The following FOCAD variants were observed in gnomAD, a reference collection of about 807,000 sequenced individuals.
The protein encoded by FOCAD is KIAA1797.
A neutral mutation model predicts 225.6 loss-of-function variants in FOCAD; 198 were observed. That is an observed-to-expected ratio of 0.88 (90% CI 0.78 to 0.99). FOCAD has a LOEUF of 0.99. FOCAD is among the 50% of genes least tolerant of loss of function. The pLI is 0.00. For synonymous variants in FOCAD, 897 were observed against 755.0 expected (o/e 1.19, Z -3.08); for missense variants, 2,713 against 2,123.6 (o/e 1.28, Z -5.46).
intron 35 of FOCAD, among the ~76,000 whole-genome samples, chr9:20,968,431 C>CT (rs35624897): frequency 0.16 from 6,718 of 43,224 alleles, 1,094 homozygotes; most frequent in South Asian, 0.26. Flanking sequence ...TTTTCTTATT[C>CT]TTTTTTTTTT....
chr9:20,879,293 CA>C (rs1227558847), intron 19 of FOCAD, among the ~76,000 whole-genome samples: 1 of 152,140 alleles, frequency 6.6e-6, no homozygotes, highest in Admixed American at 6.5e-5. Context: ...ATTCCCTCCC[CA>C]GGATTAGGCT....
intron 19 of FOCAD, chr9:20,875,085 A>T: frequency 2.9e-6 from 1 of 350,076 alleles, no homozygotes; most frequent in South Asian, 3.6e-5. Context: ...GGCTAAATGT[A>T]TTCCACAAGA....
intron 4 of FOCAD, among the ~76,000 whole-genome samples, chr9:20,733,850 A>G (rs1183183042): frequency 2.0e-5 from 3 of 152,014 alleles, no homozygotes; most frequent in Non-Finnish European, 4.4e-5. Context: ...AAAAATAAAA[A>G]ATTAGCCAGG....
chr9:20,846,218 A>G (rs952117573), intron 15 of FOCAD, among the ~76,000 whole-genome samples: 1 of 152,100 alleles, frequency 6.6e-6, no homozygotes, highest in Admixed American at 6.6e-5. Flanking sequence ...AAACTAAGAA[A>G]TCACTGTGGA....
At chr9:20,924,166 C>T (rs1426560416) in intron 25 of FOCAD, among the ~76,000 whole-genome samples, 1 of 150,842 alleles carries the variant, frequency 6.6e-6, no homozygotes, top group Non-Finnish European at 1.5e-5. Flanking sequence ...TGACAAAGTG[C>T]CTATTCATTT....
intron 21 of FOCAD, among the ~76,000 whole-genome samples, chr9:20,897,755 A>G (rs1051177578): frequency 5.3e-5 from 8 of 151,772 alleles, no homozygotes; most frequent in Non-Finnish European, 7.4e-5. Context: ...TATTATTTTT[A>G]ACAAGCTGTT....
Position 20,749,901 on chromosome 9 carries a change from G to A in FOCAD, c.393-8189G>A, listed in dbSNP as rs558672542. Among the ~76,000 whole-genome samples the A allele has an allele frequency of 3.9e-5, 6 of 152,148 alleles. No individual in the cohort carries two copies. In the East Asian group the frequency reaches 5.8e-4, roughly 15 times the overall value. On this transcript the variant is annotated intron_variant, in intron 5 of 43. Coordinates refer to ENST00000338382, the MANE Select transcript of FOCAD (RefSeq NM_001375567.1). Reference sequence around the variant, plus strand: ...GGATTGATGTGTTTATACTTGGAAAGGTGAATCCAGTTACAGATTTTATCA... The same window carrying A: ...GGATTGATGTGTTTATACTTGGAAAAGTGAATCCAGTTACAGATTTTATCA...
intron 5 of FOCAD, among the ~76,000 whole-genome samples, chr9:20,753,315 T>G (rs1587021286): frequency 6.6e-6 from 1 of 152,034 alleles, no homozygotes. Context: ...ATAGCTCTTA[T>G]TATTTTGAAA....
intron 11 of FOCAD, among the ~76,000 whole-genome samples, chr9:20,811,832 T>C (rs1434628503): frequency 3.9e-5 from 6 of 152,100 alleles, no homozygotes; most frequent in Non-Finnish European, 8.8e-5. Flanking sequence ...ATGTCATTTT[T>C]TGTAGAATGA....
chr9:20,900,098 A>G (rs1389181243), intron 21 of FOCAD, among the ~76,000 whole-genome samples: 1 of 152,088 alleles, frequency 6.6e-6, no homozygotes, highest in East Asian at 1.9e-4. Flanking sequence ...CTGAAGGTGA[A>G]TGATAGTTTC....
chr9:20,972,267 G>A (rs1564224188), intron 35 of FOCAD, among the ~76,000 whole-genome samples: 3 of 152,032 alleles, frequency 2.0e-5, no homozygotes, highest in African/African-American at 4.8e-5. Context: ...TCCATTATTT[G>A]CATATCCTGG....
At chr9:20,948,822 CT>C in intron 31 of FOCAD, 28 bp from the exon 32 acceptor site, 1 of 1,611,050 alleles carries the variant, frequency 6.2e-7, no homozygotes, top group South Asian at 1.1e-5. Context: ...CTGATTCCCT[CT>C]TTTCATATTC....
chr9:20,862,677 G>GT lies in FOCAD; in HGVS notation c.2022dup (p.Pro675SerfsTer9). On this transcript the variant is annotated frameshift_variant, in exon 16 of 44. Transcript: ENST00000338382. LOFTEE classifies it high-confidence loss of function. ...GACACTGAGTGAACTATTTTCTCTA[G>GT]TTCCTTCCTTAACGGTCAATACAAC... 2.5e-6 allele frequency: 4 copies of GT among 1,613,168 alleles called. No individual in the cohort carries two copies. Among genetic ancestry groups the GT allele is most frequent in the Non-Finnish European group, 3.4e-6 (4 of 1,179,484 alleles).
intron 1 of FOCAD, among the ~76,000 whole-genome samples, chr9:20,709,680 C>G (rs1824674512): frequency 6.6e-6 from 1 of 152,126 alleles, no homozygotes; most frequent in Non-Finnish European, 1.5e-5. Context: ...AAGACACTTG[C>G]AATTTGTAGC....
At chr9:20,878,854 AC>A (rs1830442961) in intron 19 of FOCAD, among the ~76,000 whole-genome samples, 1 of 152,116 alleles carries the variant, frequency 6.6e-6, no homozygotes, top group South Asian at 2.1e-4. Flanking sequence ...AAGCCTCAGG[AC>A]CCAGGGGGCT....
chr9:20,823,925 G>A (rs1055387126), intron 15 of FOCAD, among the ~76,000 whole-genome samples: 2 of 152,192 alleles, frequency 1.3e-5, no homozygotes, highest in South Asian at 2.1e-4. Context: ...CTGCAGTATA[G>A]GGATTAACAC....
chr9:20,907,328 A>G, intron 22 of FOCAD, 86 bp downstream of exon 22: 1 of 1,112,562 alleles, frequency 9.0e-7, no homozygotes. Flanking sequence ...ATATAAAAGC[A>G]CTTGGGAAAA....
At chr9:20,808,382 A>G (rs1822691458) in intron 11 of FOCAD, among the ~76,000 whole-genome samples, 1 of 152,228 alleles carries the variant, frequency 6.6e-6, no homozygotes, top group Non-Finnish European at 1.5e-5. Flanking sequence ...TGCCACCTGT[A>G]AGGCATTCAC....
intron 14 of FOCAD, among the ~76,000 whole-genome samples, chr9:20,822,488 A>G (rs1168005558): frequency 6.6e-6 from 1 of 151,998 alleles, no homozygotes; most frequent in Non-Finnish European, 1.5e-5. Context: ...GGCATGAGAT[A>G]GGAGCTCAGT....
Sources: allele counts gnomAD v4.1 joint callset (sites outside exome capture counted in the v4.1 genomes callset), GRCh38; gene constraint gnomAD v4.1.1; transcripts MANE v1.5; gene names NCBI Gene and HGNC (gene_info 2026-07-23, HGNC 2026-07-21).